ASIC2: variants seen among roughly 807,000 people sequenced by gnomAD.
The protein encoded by ASIC2 is acid-sensing ion channel 2.
ASIC2 carries 25 observed loss-of-function variants against 57.3 expected under a neutral mutation model. The ratio of observed to expected loss-of-function variants is 0.44; its 90% CI spans 0.32 to 0.61. The LOEUF is 0.61. ASIC2 is among the 20% of genes least tolerant of loss of function. ASIC2 has a pLI of 0.06. For synonymous variants in ASIC2, 319 were observed against 307.5 expected, an observed-to-expected ratio of 1.04 and a Z score of -0.39; for missense variants, 641 against 738.1, an observed-to-expected ratio of 0.87 and a Z score of 1.52.
At chr17:33,901,780 G>A (rs575655204) in intron 1 of ASIC2, among the ~76,000 whole-genome samples, 1 of 152,172 alleles carries the variant, frequency 6.6e-6, no homozygotes, top group East Asian at 1.9e-4. Flanking sequence ...TGGTTTCCAG[G>A]ACTTTCCAAA....
rs183105955 is a variant in ASIC2 at position 33,653,889 on chromosome 17, T to C, written c.555+502089A>G. On this transcript the variant is annotated intron_variant, in intron 1 of 9. Coordinates refer to the ASIC2 transcript ENST00000359872. ...TATTTCCTGATATATGCAGGCATTG[T>C]ACAGGACAATCTGTGTACATAATCT... Among the ~76,000 whole-genome samples the C allele has an allele frequency of 2.6e-5, 4 of 152,338 alleles. No homozygotes were observed. The East Asian group carries it at 7.7e-4, about 29-fold the overall frequency.
intron 1 of ASIC2, among the ~76,000 whole-genome samples, chr17:33,553,143 A>G (rs1446924160): frequency 6.6e-6 from 1 of 152,146 alleles, no homozygotes; most frequent in African/African-American, 2.4e-5. Context: ...TCCTTTAAGG[A>G]AACACCAAAT....
chr17:33,749,239 C>A lies in ASIC2; in HGVS notation c.555+406739G>T, dbSNP rs534917020. 3.1e-4 allele frequency among the ~76,000 whole-genome samples: 47 copies of A among 151,854 alleles called. 1 individual carries two copies. In the South Asian group the frequency reaches 9.3e-3, roughly 30 times the overall value. ...ATGCATGCTTCAGGACCCTTTCCCT[C>A]CCTTTCCCCCTACCCCAGGGAAACA... On this transcript the variant is annotated intron_variant, in intron 1 of 9. Transcript: ENST00000359872.
At chr17:33,128,507 C>A (rs1439575104) in intron 1 of ASIC2, among the ~76,000 whole-genome samples, 1 of 152,180 alleles carries the variant, frequency 6.6e-6, no homozygotes, top group Non-Finnish European at 1.5e-5. Flanking sequence ...GCTCCACACC[C>A]ACCGATCACA....
chr17:33,338,808 G>C (rs1321794244), intron 1 of ASIC2, among the ~76,000 whole-genome samples: 1 of 152,172 alleles, frequency 6.6e-6, no homozygotes, highest in African/African-American at 2.4e-5. Context: ...AGAACACTAT[G>C]ATAAGTGGAA....
intron 1 of ASIC2, among the ~76,000 whole-genome samples, chr17:34,055,623 C>G (rs1411403909): frequency 1.3e-5 from 2 of 152,140 alleles, no homozygotes; most frequent in African/African-American, 4.8e-5. Flanking sequence ...ATTCTAAAAG[C>G]TCATATTCAT....
At chr17:33,636,614 T>C (rs1906375520) in intron 1 of ASIC2, among the ~76,000 whole-genome samples, 1 of 152,212 alleles carries the variant, frequency 6.6e-6, no homozygotes, top group Admixed American at 6.5e-5. Flanking sequence ...GGCACATGTC[T>C]CTGGGCTGCT....
intron 1 of ASIC2, among the ~76,000 whole-genome samples, chr17:33,329,403 G>A (rs542103567): frequency 3.9e-5 from 6 of 152,198 alleles, no homozygotes; most frequent in African/African-American, 1.4e-4. Flanking sequence ...GGTTAATGAG[G>A]ATAGCAACCT....
chr17:34,070,089 GAC>G (rs998432007), intron 1 of ASIC2: 1 of 152,114 alleles, frequency 6.6e-6, no homozygotes, highest in African/African-American at 2.4e-5. Flanking sequence ...ATACTTTAGA[GAC>G]AGTTTTTCAG....
intron 1 of ASIC2, among the ~76,000 whole-genome samples, chr17:33,401,263 A>C (rs1406549417): frequency 6.6e-6 from 1 of 152,230 alleles, no homozygotes; most frequent in African/African-American, 2.4e-5. Flanking sequence ...AACCAGAACT[A>C]CTGGTAAGCA....
intron 1 of ASIC2, among the ~76,000 whole-genome samples, chr17:33,786,599 CACT>C (rs1238621281): frequency 6.6e-6 from 1 of 152,028 alleles, no homozygotes; most frequent in East Asian, 1.9e-4. Flanking sequence ...TATGAAAATT[CACT>C]ACTCTTTCCT....
chr17:33,776,917 G>T (rs746433970), intron 1 of ASIC2, among the ~76,000 whole-genome samples: 3 of 152,062 alleles, frequency 2.0e-5, no homozygotes, highest in Non-Finnish European at 2.9e-5. Context: ...TACATCTTTC[G>T]CTGGGTGACC....
chr17:33,748,754 A>C (rs1910339698), intron 1 of ASIC2, among the ~76,000 whole-genome samples: 1 of 152,188 alleles, frequency 6.6e-6, no homozygotes, highest in South Asian at 2.1e-4. Context: ...TAAATATATA[A>C]GGCTTCATAA....
intron 1 of ASIC2, among the ~76,000 whole-genome samples, chr17:33,625,200 C>T (rs1159371301): frequency 6.6e-6 from 1 of 151,076 alleles, no homozygotes; most frequent in East Asian, 1.9e-4. Flanking sequence ...TATTATCTGT[C>T]ATCTATCTAT....
chr17:33,472,837 T>TG (rs1913099729), intron 1 of ASIC2, among the ~76,000 whole-genome samples: 2 of 152,110 alleles, frequency 1.3e-5, no homozygotes, highest in African/African-American at 4.8e-5. Flanking sequence ...GGGTTTTGGC[T>TG]GGGGGTTTGG....
At chr17:33,556,377 C>T (rs189034020) in intron 1 of ASIC2, among the ~76,000 whole-genome samples, 183 of 152,330 alleles carry the variant, frequency 1.2e-3, no homozygotes, top group African/African-American at 4.1e-3. Flanking sequence ...TGCCTCTCCA[C>T]TCACCTTGGC....
chr17:33,301,211 T>TA (rs1030203937), intron 1 of ASIC2, among the ~76,000 whole-genome samples: 7 of 150,918 alleles, frequency 4.6e-5, no homozygotes, highest in African/African-American at 1.7e-4. Flanking sequence ...TTTTTTTTTT[T>TA]GTATTTTTTG....
At chr17:33,587,706 T>G (rs1904684007) in intron 1 of ASIC2, among the ~76,000 whole-genome samples, 1 of 152,190 alleles carries the variant, frequency 6.6e-6, no homozygotes, top group East Asian at 1.9e-4. Context: ...TCCACTTGTA[T>G]GAATGAAGCA....
intron 1 of ASIC2, among the ~76,000 whole-genome samples, chr17:33,194,588 G>A (rs1482444138): frequency 1.3e-5 from 2 of 152,136 alleles, no homozygotes; most frequent in African/African-American, 4.8e-5. Flanking sequence ...TTGCAGCACT[G>A]GAATGTAGGG....
Sources: gnomAD v4.1 joint callset for allele counts (sites outside exome capture counted in the v4.1 genomes callset) on GRCh38, gnomAD v4.1.1 for gene constraint, MANE v1.5 for transcripts, NCBI Gene and HGNC (gene_info 2026-07-23, HGNC 2026-07-21) for gene names.